Variants in UGP2 observed in about 807,000 individuals in gnomAD.
UGP2 encodes the protein UTP--glucose-1-phosphate uridylyltransferase.
A neutral mutation model predicts 49.0 loss-of-function variants in UGP2; 40 were observed. That is an observed-to-expected ratio of 0.82 (90% confidence interval 0.63 to 1.06). UGP2 has a LOEUF of 1.06. Ranked by LOEUF, UGP2 falls within the 50% of genes least tolerant of loss-of-function variation. The pLI, the probability that UGP2 is intolerant of heterozygous loss-of-function variation, is 0.00. For synonymous variants in UGP2, 225 were observed against 213.0 expected (o/e 1.06, Z -0.49); for missense variants, 460 against 603.5 (o/e 0.76, Z 2.49).
At position 63,887,563 on chromosome 2, in the gene UGP2, T is replaced by C. The variant is rs1281225523; in HGVS notation, c.1233T>C (p.Leu411=). Residue 411 remains leucine (L), a synonymous_variant, in exon 8 of 10, where the codon CTT becomes CTC. Transcript: ENST00000337130. ...LLLVMSNLYS[L]NAGSLTMSEK... ...TGGTGATGTCAAACCTCTATAGTCT[T>C]AATGCAGGATCTCTGACAATGAGTG... 1.9e-6 allele frequency: 3 copies of C among 1,614,164 alleles called. No individual in the cohort carries two copies. Among genetic ancestry groups the C allele is most frequent in the Non-Finnish European group, 2.5e-6 (3 of 1,180,010 alleles).
chr2:63,878,977 T>G (rs1208911709), intron 3 of UGP2, among the ~76,000 whole-genome samples: 1 of 151,734 alleles, frequency 6.6e-6, no homozygotes, highest in Non-Finnish European at 1.5e-5. Flanking sequence ...AGGTTGACAT[T>G]TGGTTTTTAA....
intron 3 of UGP2, among the ~76,000 whole-genome samples, chr2:63,876,274 C>T (rs1018397966): frequency 2.0e-5 from 3 of 152,046 alleles, no homozygotes; most frequent in African/African-American, 7.2e-5. Context: ...GTGCTTACCA[C>T]CAAATTTAAC....
At chr2:63,851,011 G>C (rs1010208581) in intron 1 of UGP2, among the ~76,000 whole-genome samples, 1 of 152,066 alleles carries the variant, frequency 6.6e-6, no homozygotes, top group Non-Finnish European at 1.5e-5. Flanking sequence ...ACAGTCTGTT[G>C]GATAAGATAA....
At chr2:63,855,438 A>G (rs577237186) in intron 1 of UGP2, 35 of 476,080 alleles carry the variant, frequency 7.4e-5, no homozygotes, top group African/African-American at 5.2e-4. Context: ...AAATAAGATG[A>G]TTACTTTCTA....
At chr2:63,877,810 G>A (rs1671010690) in intron 3 of UGP2, among the ~76,000 whole-genome samples, 1 of 151,458 alleles carries the variant, frequency 6.6e-6, no homozygotes, top group Non-Finnish European at 1.5e-5. Flanking sequence ...TGGCTAACAA[G>A]GTGAAACCCC....
At chr2:63,889,840 C>G (rs1671961896) in intron 8 of UGP2, 1 of 376,522 alleles carries the variant, frequency 2.7e-6, no homozygotes, top group Admixed American at 4.7e-5. Flanking sequence ...AAAAAAAACC[C>G]TTAGATCTGC....
intron 1 of UGP2, chr2:63,854,696 C>T (rs980528820): frequency 1.3e-5 from 2 of 152,252 alleles, no homozygotes; most frequent in Admixed American, 1.3e-4. Context: ...AAAAACAGAG[C>T]TTTTAGAGGG....
At position 63,891,173 on chromosome 2, in the gene UGP2, A is replaced by G; in HGVS notation, c.1473A>G (p.Gly491=). 6.2e-7 allele frequency: 1 copy of G among 1,613,850 alleles called. No homozygotes were observed. Reference sequence around the variant, plus strand: ...GTGACAGAATTGATATCCCACCTGGAGCAGTATTAGAGAACAAGATTGTGT... The same window carrying G: ...GTGACAGAATTGATATCCCACCTGGGGCAGTATTAGAGAACAAGATTGTGT... ...NHGDRIDIPP[G]AVLENKIVSG... The change falls in exon 10 of 10, where the codon GGA becomes GGG. Residue 491 remains glycine (G), a synonymous_variant. Coordinates refer to ENST00000337130, the MANE Select transcript of UGP2 (RefSeq NM_006759.4).
chr2:63,874,724 G>T (rs1354816665), intron 3 of UGP2, among the ~76,000 whole-genome samples: 1 of 151,808 alleles, frequency 6.6e-6, no homozygotes, highest in Admixed American at 6.6e-5. Context: ...TGCTGTCCTT[G>T]TGGTAATGAA....
At chr2:63,879,468 G>T (rs1473018147) in intron 3 of UGP2, among the ~76,000 whole-genome samples, 2 of 152,070 alleles carry the variant, frequency 1.3e-5, no homozygotes, top group African/African-American at 4.8e-5. Flanking sequence ...ATTTGAAATA[G>T]AATATTCAAA....
intron 3 of UGP2, among the ~76,000 whole-genome samples, chr2:63,862,105 T>C (rs1258144668): frequency 1.3e-5 from 2 of 152,080 alleles, no homozygotes; most frequent in Non-Finnish European, 2.9e-5. Flanking sequence ...TATAGGATGA[T>C]TTGCTTTGAG....
At chr2:63,855,518 C>CTTTTT in intron 1 of UGP2, 1 of 175,112 alleles carries the variant, frequency 5.7e-6, no homozygotes, top group South Asian at 4.0e-5. Flanking sequence ...GTTTCTTTTT[C>CTTTTT]TGTTTTTTTT....
At chr2:63,876,472 C>T (rs2104335913) in intron 3 of UGP2, among the ~76,000 whole-genome samples, 1 of 152,298 alleles carries the variant, frequency 6.6e-6, no homozygotes, top group African/African-American at 2.4e-5. Context: ...AAATATTTCT[C>T]CCGTCTTCAT....
chr2:63,876,601 A>T (rs1337553187), intron 3 of UGP2, among the ~76,000 whole-genome samples: 1 of 152,250 alleles, frequency 6.6e-6, no homozygotes, highest in Non-Finnish European at 1.5e-5. Context: ...ATAGCAAGAC[A>T]AGAAGGTATT....
At chr2:63,855,211 G>T (rs1669308377) in intron 1 of UGP2, among the ~76,000 whole-genome samples, 1 of 152,168 alleles carries the variant, frequency 6.6e-6, no homozygotes. Context: ...ATAAGTGAAA[G>T]AATTTATAGT....
chr2:63,842,212 ATGC>A lies in UGP2; in HGVS notation c.19+16_19+18del, dbSNP rs1671602019. 2 of 1,608,140 alleles carry A rather than the reference ATGC, an allele frequency of 1.2e-6. No individual in the cohort carries two copies. The highest frequency in any genetic ancestry group is 1.7e-6 in the Non-Finnish European group (2 of 1,178,526). On this transcript the variant is annotated intron_variant, in intron 1 of 9. Coordinates refer to ENST00000337130, the MANE Select transcript of UGP2 (RefSeq NM_006759.4). ...TGTCGAGATTTGTACAAGGTAAGAA[ATGC>A]TGCTGCTTATATCCCGAGTTGCTTC...
rs185658835 is a variant in UGP2 at position 63,856,846 on chromosome 2, C to G, written c.147+413C>G. 3.5e-3 allele frequency: 1,598 copies of G among 457,142 alleles called. 24 individuals are homozygous for G. The highest frequency in any genetic ancestry group is 0.03 in the African/African-American group (1,506 of 50,188). The allele number at this position is 457,142 out of a possible 1,614,324, so 28.3% of individuals were successfully genotyped here. A position where few individuals can be genotyped will look rare whatever the true frequency, so the allele number is the denominator to read the frequency against. On this transcript the variant is annotated intron_variant, in intron 2 of 9. Coordinates refer to ENST00000337130, the MANE Select transcript of UGP2 (RefSeq NM_006759.4). Reference sequence around the variant, plus strand: ...CAATTGTCATAGAAGTTTTCCAGAACTGGGAGGCATTTACTTTTTTACTTG... The same window carrying G: ...CAATTGTCATAGAAGTTTTCCAGAAGTGGGAGGCATTTACTTTTTTACTTG...
At chr2:63,883,657 A>AG (rs1261400124) in intron 4 of UGP2, among the ~76,000 whole-genome samples, 1 of 152,082 alleles carries the variant, frequency 6.6e-6, no homozygotes, top group Non-Finnish European at 1.5e-5. Flanking sequence ...TAGGGTGGGG[A>AG]GGTGGGGGTC....
At chr2:63,857,758 G>A (rs761670530) in intron 2 of UGP2, 71 bp from the exon 3 acceptor site, 1 of 1,409,942 alleles carries the variant, frequency 7.1e-7, no homozygotes, top group African/African-American at 1.4e-5. Context: ...TGTGTAACTT[G>A]TATCTGTCTT....
Sources: allele counts gnomAD v4.1 joint callset (sites outside exome capture counted in the v4.1 genomes callset), GRCh38; gene constraint gnomAD v4.1.1; transcripts MANE v1.5; gene names NCBI Gene and HGNC (gene_info 2026-07-23, HGNC 2026-07-21).